The following ZNF804A variants were observed in gnomAD, a reference collection of about 807,000 sequenced individuals.
ZNF804A encodes the protein zinc finger protein 804A.
A neutral mutation model predicts 16.5 loss-of-function variants in ZNF804A; 2 were observed. That is an observed-to-expected ratio of 0.12 (90% CI 0.05 to 0.38). The LOEUF (loss-of-function observed/expected upper bound fraction) is 0.38. Among genes scored for constraint, ZNF804A ranks in the 10% least tolerant of loss-of-function variants. ZNF804A has a pLI of 0.99. For missense variants in ZNF804A, 1,473 were observed against 1,390.7 expected (o/e 1.06, Z -0.94); for synonymous variants, 534 against 489.6 (o/e 1.09, Z -1.20).
chr2:184,744,614 T>C (rs1334989701), intron 1 of ZNF804A, among the ~76,000 whole-genome samples: 1 of 151,946 alleles, frequency 6.6e-6, no homozygotes, highest in Non-Finnish European at 1.5e-5. Flanking sequence ...GAAGGGAATT[T>C]CTTTGTTTTT....
intron 1 of ZNF804A, among the ~76,000 whole-genome samples, chr2:184,632,621 G>T (rs764125942): frequency 6.6e-6 from 1 of 152,120 alleles, no homozygotes; most frequent in African/African-American, 2.4e-5. Context: ...CAAGGGATCT[G>T]CCCGCCTCTG....
chr2:184,793,608 G>C (rs1430559868), intron 1 of ZNF804A, among the ~76,000 whole-genome samples: 2 of 152,010 alleles, frequency 1.3e-5, no homozygotes, highest in African/African-American at 4.8e-5. Context: ...GGGAACAAGT[G>C]GTGTTTGGTT....
chr2:184,698,265 G>A lies in ZNF804A; in HGVS notation c.111+99195G>A, dbSNP rs553614186. On this transcript the variant is annotated intron_variant, in intron 1 of 3. Transcript: ENST00000302277. ...CATAAAGGGTTCAACCATTATAAAA[G>A]GTTGATAGTCTTAAAGTTTTTAAGT... 1.4e-4 allele frequency among the ~76,000 whole-genome samples: 22 copies of A among 152,032 alleles called. No homozygotes were observed. The South Asian group carries it at 3.9e-3, about 27-fold the overall frequency.
At chr2:184,697,094 A>C (rs1044704660) in intron 1 of ZNF804A, among the ~76,000 whole-genome samples, 6 of 152,176 alleles carry the variant, frequency 3.9e-5, no homozygotes, top group South Asian at 4.1e-4. Flanking sequence ...TAACCTCTGC[A>C]TGTGTGAAGA....
chr2:184,703,689 C>CAAAAAAA (rs10593157), intron 1 of ZNF804A, among the ~76,000 whole-genome samples: 1 of 56,444 alleles, frequency 1.8e-5, no homozygotes, highest in Non-Finnish European at 3.2e-5. Flanking sequence ...GACTCCGGTT[C>CAAAAAAA]AAAAAAAAAA....
intron 1 of ZNF804A, among the ~76,000 whole-genome samples, chr2:184,723,764 C>T (rs1482582691): frequency 1.3e-5 from 2 of 151,610 alleles, no homozygotes; most frequent in Admixed American, 6.6e-5. Context: ...TGTGTAATCC[C>T]TAGCAAAACT....
chr2:184,810,869 G>A (rs992158124), intron 1 of ZNF804A, among the ~76,000 whole-genome samples: 4 of 152,080 alleles, frequency 2.6e-5, no homozygotes, highest in African/African-American at 7.2e-5. Context: ...GAATAAGAGC[G>A]TAGAAATAGT....
chr2:184,619,392 A>G (rs894714247), intron 1 of ZNF804A, among the ~76,000 whole-genome samples: 9 of 151,952 alleles, frequency 5.9e-5, no homozygotes, highest in African/African-American at 1.9e-4. Context: ...GAATTGGATC[A>G]TTTTAAGGGT....
At chr2:184,805,715 A>G (rs1369237433) in intron 1 of ZNF804A, among the ~76,000 whole-genome samples, 1 of 152,066 alleles carries the variant, frequency 6.6e-6, no homozygotes, top group East Asian at 1.9e-4. Flanking sequence ...ACTAGAAGCC[A>G]TTAGCAATTG....
chr2:184,656,592 T>C (rs1692077643), intron 1 of ZNF804A, among the ~76,000 whole-genome samples: 1 of 152,110 alleles, frequency 6.6e-6, no homozygotes, highest in South Asian at 2.1e-4. Flanking sequence ...AGGCAGAATG[T>C]TGTATATATT....
chr2:184,717,609 G>C (rs72901817), intron 1 of ZNF804A, among the ~76,000 whole-genome samples: 1 of 152,152 alleles, frequency 6.6e-6, no homozygotes, highest in East Asian at 1.9e-4. Flanking sequence ...AAGGGTTATT[G>C]CATTACATGT....
At chr2:184,664,098 T>C (rs1692221711) in intron 1 of ZNF804A, among the ~76,000 whole-genome samples, 1 of 152,240 alleles carries the variant, frequency 6.6e-6, no homozygotes, top group Non-Finnish European at 1.5e-5. Context: ...TTATTATTGT[T>C]GCCTACCTCA....
intron 1 of ZNF804A, among the ~76,000 whole-genome samples, chr2:184,729,928 G>T (rs7568843): frequency 2.0e-5 from 3 of 151,964 alleles, no homozygotes; most frequent in Admixed American, 2.0e-4. Context: ...ATTTCTCTTT[G>T]CATGCCTGTC....
chr2:184,796,310 A>G (rs940461547), intron 1 of ZNF804A, among the ~76,000 whole-genome samples: 2 of 152,042 alleles, frequency 1.3e-5, no homozygotes, highest in Non-Finnish European at 2.9e-5. Context: ...TCTTCTTTGA[A>G]TGGCTGGTAG....
intron 1 of ZNF804A, among the ~76,000 whole-genome samples, chr2:184,707,305 A>G (rs1240739169): frequency 6.6e-6 from 1 of 152,066 alleles, no homozygotes; most frequent in South Asian, 2.1e-4. Flanking sequence ...TATAATTGCA[A>G]CTTTTATTTT....
At chr2:184,788,355 T>C (rs1277894792) in intron 1 of ZNF804A, among the ~76,000 whole-genome samples, 2 of 151,874 alleles carry the variant, frequency 1.3e-5, no homozygotes, top group African/African-American at 4.8e-5. Context: ...CTTAAGGATA[T>C]TTTTTTCAAC....
chr2:184,843,399 A>G (rs907061979), intron 1 of ZNF804A, among the ~76,000 whole-genome samples: 1 of 152,042 alleles, frequency 6.6e-6, no homozygotes, highest in Admixed American at 6.6e-5. Context: ...AGTAGCTGGG[A>G]CTACAGGCAC....
chr2:184,814,389 C>T (rs150886127), intron 1 of ZNF804A, among the ~76,000 whole-genome samples: 58 of 152,098 alleles, frequency 3.8e-4, no homozygotes, highest in African/African-American at 1.3e-3. Flanking sequence ...GTTATTCAGA[C>T]GTCAGTTTTC....
chr2:184,731,251 C>CAAAAAAAAAAAAAA (rs563068533), intron 1 of ZNF804A, among the ~76,000 whole-genome samples: 1 of 45,296 alleles, frequency 2.2e-5, no homozygotes, highest in Non-Finnish European at 3.5e-5. Flanking sequence ...GGCTCCGTCG[C>CAAAAAAAAAAAAAA]AAAAAAAAAA....
Sources: gnomAD v4.1 joint callset for allele counts (sites outside exome capture counted in the v4.1 genomes callset) on GRCh38, gnomAD v4.1.1 for gene constraint, MANE v1.5 for transcripts, NCBI Gene and HGNC (gene_info 2026-07-23, HGNC 2026-07-21) for gene names.